The following GUF1 variants were observed in gnomAD, a reference collection of about 807,000 sequenced individuals.
GUF1 encodes the protein GTP binding elongation factor GUF1.
A neutral mutation model predicts 82.4 loss-of-function variants in GUF1; 78 were observed. The observed-to-expected ratio is 0.95, with a 90% confidence interval of 0.79 to 1.14. GUF1 has a LOEUF of 1.14. Ranked by LOEUF, GUF1 falls within the 50% of genes most tolerant of loss-of-function variation. GUF1 has a pLI of 0.00. For missense variants in GUF1, 814 were observed against 798.2 expected (o/e 1.02, Z -0.24); for synonymous variants, 279 against 282.3 (o/e 0.99, Z 0.12).
intron 3 of GUF1, 109 bp downstream of exon 3, chr4:44,680,951 T>G (rs1714738000): frequency 1.5e-5 from 18 of 1,171,254 alleles, no homozygotes; most frequent in South Asian, 7.3e-5. Context: ...CTGCCTTTGC[T>G]TTTTGTTTTC....
chr4:44,697,516 T>C lies in GUF1; in HGVS notation c.1872+72T>C, dbSNP rs143451782. The C allele has an allele frequency of 7.4e-4, 536 of 722,818 alleles. 2 individuals carry two copies. In the East Asian group the frequency reaches 0.012, roughly 17 times the overall value. The allele number at this position is 722,818 out of a possible 1,614,324, so 44.8% of individuals were successfully genotyped here. The stretch of plus-strand genomic sequence containing the variant: ...TTAAATCAAAGGGGGCATAAACTTA[T>C]TGATTTCCATTGTTGGTTTTTATAC... On this transcript the variant is annotated intron_variant, in intron 16 of 16. Coordinates refer to ENST00000281543, the MANE Select transcript of GUF1 (RefSeq NM_021927.3).
intron 9 of GUF1, among the ~76,000 whole-genome samples, chr4:44,688,412 T>G (rs1715204633): frequency 6.6e-6 from 1 of 151,940 alleles, no homozygotes; most frequent in African/African-American, 2.4e-5. Flanking sequence ...AATTTCTTTC[T>G]TATTTTTCTA....
At chr4:44,688,728 C>A (rs1274324273) in intron 9 of GUF1, among the ~76,000 whole-genome samples, 1 of 151,892 alleles carries the variant, frequency 6.6e-6, no homozygotes, top group Non-Finnish European at 1.5e-5. Flanking sequence ...TTTACCCCTA[C>A]CTTTAGGCAA....
At position 44,680,699 on chromosome 4, in the gene GUF1, A is replaced by G. The variant is rs115253144; in HGVS notation, c.283A>G (p.Ile95Val). The change falls in exon 3 of 17, where the codon ATT becomes GTT. Residue 95 changes from isoleucine to valine, a missense_variant. Ile to Val is a conservative substitution (Grantham distance 29, BLOSUM62 3). Transcript: ENST00000281543. ...ADRLLELTGT[I>V]DKTKNNKQVL... ...ATAAGTGTTTCTGTTTATAGGGACA[A>G]TTGATAAAACAAAGAATAATAAGCA... The G allele has an allele frequency of 3.7e-4, 588 of 1,590,666 alleles. 2 individuals carry two copies. In the African/African-American group the frequency reaches 6.8e-3, roughly 19 times the overall value.
intron 13 of GUF1, chr4:44,694,079 T>C (rs1715619672): frequency 5.0e-6 from 1 of 201,346 alleles, no homozygotes; most frequent in African/African-American, 2.4e-5. Context: ...CCATTAATAA[T>C]ATATAGTATT....
At position 44,689,931 on chromosome 4, in the gene GUF1, A is replaced by G. The variant is rs141599891; in HGVS notation, c.1291A>G (p.Thr431Ala). Residue 431 changes from threonine (T) to alanine (A), a missense_variant, in exon 11 of 17, where the codon ACT becomes GCT. Thr to Ala is a moderately conservative substitution (Grantham distance 58, BLOSUM62 0). Transcript: ENST00000281543. ...TGCTTCTGTTATTTTAACAACCCCTACTGTTCCATATAAAGCTGTACTGTC... is the reference window on the plus strand; with the variant it reads ...TGCTTCTGTTATTTTAACAACCCCTGCTGTTCCATATAAAGCTGTACTGTC... ...YNASVILTTPTVPYKAVLSSS... is the reference protein window; with the variant it reads ...YNASVILTTPAVPYKAVLSSS... The G allele has an allele frequency of 1.2e-5, 19 of 1,607,922 alleles. No homozygotes were observed. The highest frequency in any genetic ancestry group is 1.6e-5 in the Non-Finnish European group (19 of 1,175,692).
intron 15 of GUF1, among the ~76,000 whole-genome samples, chr4:44,696,283 T>C (rs1715821508): frequency 6.6e-6 from 1 of 152,110 alleles, no homozygotes. Context: ...GACACTAGTC[T>C]TTCATGAAAT....
intron 13 of GUF1, 63 bp downstream of exon 13, chr4:44,691,862 G>T (rs1354839901): frequency 9.1e-7 from 1 of 1,099,772 alleles, no homozygotes; most frequent in Non-Finnish European, 1.3e-6. Context: ...ATGAGCAAGG[G>T]TATACTAATT....
At chr4:44,680,868 T>G (rs1157635157) in intron 3 of GUF1, 26 bp downstream of exon 3, 1 of 1,575,348 alleles carries the variant, frequency 6.3e-7, no homozygotes, top group Non-Finnish European at 8.7e-7. Flanking sequence ...ATTTTGCATG[T>G]ATTGTTAAAG....
rs1245750736 is a variant in GUF1, at chr4:44,678,448, G to A, written c.-175G>A. On this transcript the variant is annotated 5_prime_UTR_variant, in exon 1 of 17. Coordinates refer to ENST00000281543, the MANE Select transcript of GUF1 (RefSeq NM_021927.3). The stretch of plus-strand genomic sequence containing the variant: ...CGTCGGCAAGCTGCGCCGCCGCTTC[G>A]GGTTGCTTCCGGATCTGGTACTTGG... 3.9e-6 allele frequency: 2 copies of A among 515,688 alleles called. No homozygotes were observed. The highest frequency in any genetic ancestry group is 6.4e-6 in the Non-Finnish European group (2 of 314,388). 31.9% of individuals were successfully genotyped at this position (515,688 alleles called of 1,614,324 possible).
In GUF1 at chr4:44,678,492, C is replaced by T; in HGVS notation, c.-131C>T. ...TACTTGGGCAGAGCTCCCCGGGGTT[C>T]ATTGTCTTCGCTTCACAGGATCTGT... On this transcript the variant is annotated 5_prime_UTR_variant, in exon 1 of 17. Coordinates refer to ENST00000281543, the MANE Select transcript of GUF1 (RefSeq NM_021927.3). 1.4e-6 allele frequency: 1 copy of T among 732,462 alleles called. No homozygotes were observed. Among genetic ancestry groups the T allele is most frequent in the Non-Finnish European group, 2.0e-6 (1 of 507,116 alleles). 45.4% of individuals were successfully genotyped at this position (732,462 alleles called of 1,614,324 possible). A position where few individuals can be genotyped will look rare whatever the true frequency, so the allele number is the denominator to read the frequency against.
intron 4 of GUF1, 197 bp from the exon 5 acceptor site, chr4:44,682,137 A>G: frequency 5.4e-6 from 2 of 368,552 alleles, no homozygotes; most frequent in Non-Finnish European, 9.9e-6. Flanking sequence ...CTTTACCATC[A>G]GCGATTTTCA....
In GUF1 at chr4:44,691,775, A is replaced by C; in HGVS notation, c.1589A>C (p.Lys530Thr). The C allele has an allele frequency of 1.3e-6, 2 of 1,595,568 alleles. No individual in the cohort carries two copies. Among genetic ancestry groups the C allele is most frequent in the Non-Finnish European group, 1.7e-6 (2 of 1,171,350 alleles). Reference protein sequence around the residue: ...EIVVDFYDSLKSLSSGYASFD... With the variant: ...EIVVDFYDSLTSLSSGYASFD... ...GTGGTAGATTTTTATGACTCTTTGAAATCCCTATCTTCTGGATATGCTAGG... is the reference window on the plus strand; with the variant it reads ...GTGGTAGATTTTTATGACTCTTTGACATCCCTATCTTCTGGATATGCTAGG... The change falls in exon 13 of 17, where the codon AAA becomes ACA. Residue 530 changes from lysine (K) to threonine (T), a missense_variant. By Grantham distance (78) the Lys-to-Thr change is moderately conservative. Coordinates refer to ENST00000281543, the MANE Select transcript of GUF1 (RefSeq NM_021927.3).
intron 5 of GUF1, 36 bp from the exon 6 acceptor site, chr4:44,683,199 T>C (rs1714864146): frequency 8.8e-7 from 1 of 1,141,498 alleles, no homozygotes; most frequent in South Asian, 1.4e-5. Flanking sequence ...ATCTTATCTT[T>C]ATTATACTTC....
intron 13 of GUF1, among the ~76,000 whole-genome samples, chr4:44,693,615 G>A (rs1715588389): frequency 6.6e-6 from 1 of 152,024 alleles, no homozygotes; most frequent in African/African-American, 2.4e-5. Flanking sequence ...ATATAATTTT[G>A]CAAGTCCAGG....
chr4:44,697,093 A>G (rs1715874517), intron 15 of GUF1, among the ~76,000 whole-genome samples: 1 of 152,212 alleles, frequency 6.6e-6, no homozygotes, highest in Non-Finnish European at 1.5e-5. Flanking sequence ...AGTAAAAAAT[A>G]ACCTAATGTA....
chr4:44,694,801 T>G (rs1163015382), intron 14 of GUF1, among the ~76,000 whole-genome samples: 1 of 149,346 alleles, frequency 6.7e-6, no homozygotes, highest in Non-Finnish European at 1.5e-5. Context: ...GAACAAGTTT[T>G]TTTGTTTTGT....
intron 4 of GUF1, 128 bp downstream of exon 4, chr4:44,681,331 C>T: frequency 4.5e-6 from 3 of 664,562 alleles, no homozygotes; most frequent in Non-Finnish European, 8.0e-6. Flanking sequence ...CTGTTACTTA[C>T]TGAAAATCAT....
chr4:44,692,155 T>C (rs542691626), intron 13 of GUF1, among the ~76,000 whole-genome samples: 2 of 152,048 alleles, frequency 1.3e-5, no homozygotes, highest in East Asian at 3.9e-4. Flanking sequence ...ATTTATGTTA[T>C]GCAATCTCAA....
Sources: gnomAD v4.1 joint callset for allele counts (sites outside exome capture counted in the v4.1 genomes callset) on GRCh38, gnomAD v4.1.1 for gene constraint, MANE v1.5 for transcripts, NCBI Gene and HGNC (gene_info 2026-07-23, HGNC 2026-07-21) for gene names.